The following CDH23 variants were observed in gnomAD, a reference collection of about 807,000 sequenced individuals.
CDH23 encodes the protein cadherin-23.
In CDH23, 189 loss-of-function variants were observed where a neutral mutation model predicts 317.1. The observed-to-expected ratio is 0.60, with a 90% CI of 0.53 to 0.67. CDH23 has a LOEUF of 0.67. Ranked by LOEUF, CDH23 falls within the 30% of genes least tolerant of loss-of-function variation. The probability of loss-of-function intolerance (pLI) is 0.00; values close to 1 mark genes in which losing one functional copy is unlikely to be tolerated. For synonymous variants in CDH23, 1,839 were observed against 1,876.8 expected (o/e 0.98, Z 0.52); for missense variants, 4,401 against 4,592.4 (o/e 0.96, Z 1.20).
At chr10:71,446,214 A>C in intron 2 of CDH23, 104 bp from the exon 3 acceptor site, 3 of 1,100,946 alleles carry the variant, frequency 2.7e-6, no homozygotes, top group Non-Finnish European at 4.1e-6. Flanking sequence ...ATGGCCATGG[A>C]CACAGGCTCA....
intron 27 of CDH23, among the ~76,000 whole-genome samples, chr10:71,710,328 C>A (rs1041293556): frequency 6.6e-6 from 1 of 152,242 alleles, no homozygotes; most frequent in African/African-American, 2.4e-5. Context: ...ATTCCTGAGC[C>A]CCTCACTGTA....
chr10:71,552,461 G>T (rs1380740482), intron 6 of CDH23, among the ~76,000 whole-genome samples: 3 of 152,246 alleles, frequency 2.0e-5, no homozygotes, highest in Non-Finnish European at 1.5e-5. Flanking sequence ...CAGCCGTGGG[G>T]CGTTTTAACC....
chr10:71,803,477 C>T, intron 55 of CDH23, 57 bp downstream of exon 55: 1 of 1,475,452 alleles, frequency 6.8e-7, no homozygotes, highest in Non-Finnish European at 9.3e-7. Context: ...CAGCTGTGGC[C>T]TAGAAGAGTG....
chr10:71,793,327 CAG>C lies in CDH23; in HGVS notation c.6404_6405del (p.Glu2135GlyfsTer31). On this transcript the variant is annotated frameshift_variant, in exon 48 of 70. Transcript: ENST00000224721. LOFTEE classifies it high-confidence loss of function. ...VIRVGNATID[R>X]EEQESYRLTV... ...TCCGTGTTGGTAATGCCACCATCGA[CAG>C]AGAGGAGCAGGAGTCCTACAGGCTA... 1.9e-6 allele frequency: 3 copies of C among 1,614,012 alleles called. No individual in the cohort carries two copies. Among genetic ancestry groups the C allele is most frequent in the Non-Finnish European group, 2.5e-6 (3 of 1,179,906 alleles).
chr10:71,578,108 G>T, intron 9 of CDH23, 116 bp downstream of exon 9: 2 of 1,007,114 alleles, frequency 2.0e-6, no homozygotes, highest in South Asian at 2.7e-5. Context: ...TGTGGGACAG[G>T]GTAGGAGACC....
intron 9 of CDH23, among the ~76,000 whole-genome samples, chr10:71,592,999 C>T (rs1033117958): frequency 6.6e-6 from 1 of 152,212 alleles, no homozygotes; most frequent in East Asian, 1.9e-4. Flanking sequence ...CTTACCACTA[C>T]AGCAGTGTCC....
intron 14 of CDH23, among the ~76,000 whole-genome samples, chr10:71,653,107 C>T (rs543649766): frequency 2.6e-5 from 4 of 152,152 alleles, no homozygotes; most frequent in Non-Finnish European, 5.9e-5. Flanking sequence ...TCACTTCCCC[C>T]TCCTAGAGCT....
chr10:71,671,768 C>T (rs1200432980), intron 14 of CDH23, among the ~76,000 whole-genome samples: 1 of 152,202 alleles, frequency 6.6e-6, no homozygotes, highest in Non-Finnish European at 1.5e-5. Flanking sequence ...CTCCACTCAC[C>T]AGCTGTGAGA....
At chr10:71,806,672 G>A (rs1841737201) in intron 57 of CDH23, among the ~76,000 whole-genome samples, 1 of 151,776 alleles carries the variant, frequency 6.6e-6, no homozygotes, top group Non-Finnish European at 1.5e-5. Flanking sequence ...CTCCACCCGG[G>A]TTCAAGTGAT....
At chr10:71,457,817 A>G (rs548933087) in intron 3 of CDH23, among the ~76,000 whole-genome samples, 16 of 152,380 alleles carry the variant, frequency 1.1e-4, no homozygotes, top group African/African-American at 3.4e-4. Flanking sequence ...ACTTTGGGGA[A>G]AATAGATGAA....
intron 1 of CDH23, among the ~76,000 whole-genome samples, chr10:71,437,571 G>C (rs1420323784): frequency 6.6e-6 from 1 of 152,190 alleles, no homozygotes; most frequent in Non-Finnish European, 1.5e-5. Flanking sequence ...GTAGCCTCAC[G>C]GCTCTGTACA....
intron 69 of CDH23, among the ~76,000 whole-genome samples, chr10:71,814,014 G>C (rs1299830722): frequency 6.6e-6 from 1 of 152,166 alleles, no homozygotes; most frequent in Non-Finnish European, 1.5e-5. Context: ...ACCTAAAAAC[G>C]AATCTCCAGC....
intron 3 of CDH23, among the ~76,000 whole-genome samples, chr10:71,469,668 C>T (rs929754638): frequency 3.3e-5 from 5 of 151,716 alleles, no homozygotes; most frequent in African/African-American, 9.7e-5. Context: ...TGCAGTGGCA[C>T]AATCTCAGCT....
rs1215043057 is a variant in CDH23, at chr10:71,460,147, G to GTC, written c.145+13765_145+13766dup. Among the ~76,000 whole-genome samples the GTC allele has an allele frequency of 1.1e-4, 17 of 152,174 alleles. 1 individual carries two copies. The East Asian group carries it at 1.2e-3, about 10-fold the overall frequency. ...TGCTGAGCTGAATTCAAGCCCACAT[G>GTC]TCTCTCTCTCTCTCCATAACCAATG... On this transcript the variant is annotated intron_variant, in intron 3 of 69. Coordinates refer to ENST00000224721, the MANE Select transcript of CDH23 (RefSeq NM_022124.6).
intron 9 of CDH23, among the ~76,000 whole-genome samples, chr10:71,606,294 C>T: frequency 6.6e-6 from 1 of 152,148 alleles, no homozygotes; most frequent in East Asian, 1.9e-4. Context: ...TTTGTCTTAC[C>T]CTGACTGGAC....
At chr10:71,549,135 C>T (rs967333725) in intron 6 of CDH23, among the ~76,000 whole-genome samples, 10 of 152,232 alleles carry the variant, frequency 6.6e-5, no homozygotes, top group Non-Finnish European at 1.0e-4. Flanking sequence ...ACCCCTGAAA[C>T]AGCAGCCAAC....
Position 71,793,644 on chromosome 10 carries a change from C to A in CDH23, c.6712+4C>A, listed in dbSNP as rs557475624. ...TTTGCTGTGAATATCAACACAGGTA[C>A]AAGGGCCTGCACCCCTCCCACCTCC... On this transcript the variant is annotated splice_donor_region_variant and intron_variant, in intron 48 of 69. Coordinates refer to ENST00000224721, the MANE Select transcript of CDH23 (RefSeq NM_022124.6). The A allele has an allele frequency of 6.4e-6, 10 of 1,565,564 alleles. No homozygotes were observed. The highest frequency in any genetic ancestry group is 3.6e-5 in the South Asian group (3 of 82,388).
intron 11 of CDH23, among the ~76,000 whole-genome samples, chr10:71,627,523 G>A (rs899942629): frequency 3.9e-5 from 6 of 152,178 alleles, no homozygotes; most frequent in African/African-American, 1.4e-4. Context: ...TAGTCTCTTT[G>A]TAAATCTAAT....
In CDH23 at chr10:71,510,995, C is replaced by T. The variant is rs201232514; in HGVS notation, c.330C>T (p.His110=). 8.2e-5 allele frequency: 133 copies of T among 1,613,888 alleles called. No homozygotes were observed. The Admixed American group carries it at 2.2e-3, about 27-fold the overall frequency. The change falls in exon 5 of 70, where the codon CAC becomes CAT. Residue 110 remains histidine (H), a synonymous_variant. Coordinates refer to ENST00000224721, the MANE Select transcript of CDH23 (RefSeq NM_022124.6). The part of the protein sequence containing the change: ...EFTVEFSVSD[H]QGVITRKVNI... Reference sequence around the variant, plus strand: ...CCGTGGAGTTCTCTGTCAGCGACCACCAGGGGGTGAGTGTTCCCTGGGGCC... The same window carrying T: ...CCGTGGAGTTCTCTGTCAGCGACCATCAGGGGGTGAGTGTTCCCTGGGGCC...
Sources: gnomAD v4.1 joint callset for allele counts (sites outside exome capture counted in the v4.1 genomes callset) on GRCh38, gnomAD v4.1.1 for gene constraint, MANE v1.5 for transcripts, NCBI Gene and HGNC (gene_info 2026-07-23, HGNC 2026-07-21) for gene names.